Variants in RNF123 observed in about 807,000 individuals in gnomAD.
RNF123 encodes the protein E3 ubiquitin-protein ligase RNF123.
Under a neutral mutation model 168.5 loss-of-function variants are expected in RNF123, and 86 were observed. The ratio of observed to expected loss-of-function variants is 0.51; its 90% CI spans 0.43 to 0.61. The LOEUF (loss-of-function observed/expected upper bound fraction) is 0.61, where lower values mean the gene tolerates loss of function less well. RNF123 is among the 20% of genes least tolerant of loss of function. The pLI is 0.00. For synonymous variants in RNF123, 666 were observed against 689.1 expected (o/e 0.97, Z 0.52); for missense variants, 1,419 against 1,729.7 (o/e 0.82, Z 3.19).
rs1018944098 is a variant in RNF123, at chr3:49,704,579, C to T, written c.1853-71C>T. The stretch of plus-strand genomic sequence containing the variant: ...TGCCCAGTGTGCTGGGCTCTCTCAC[C>T]GTCCTGGGCACTTCCACTGTGGCCC... On this transcript the variant is annotated intron_variant, in intron 21 of 38. Coordinates refer to ENST00000327697, the MANE Select transcript of RNF123 (RefSeq NM_022064.5). The T allele has an allele frequency of 5.1e-5, 68 of 1,324,506 alleles. 1 individual carries two copies. The South Asian group carries it at 5.8e-4, about 11-fold the overall frequency. 82.0% of individuals were successfully genotyped at this position (1,324,506 alleles called of 1,614,324 possible). A position where few individuals can be genotyped will look rare whatever the true frequency, so the allele number is the denominator to read the frequency against.
At chr3:49,713,418 C>G (rs1381644816) in intron 27 of RNF123, 95 bp from the exon 28 acceptor site, 12 of 1,258,866 alleles carry the variant, frequency 9.5e-6, no homozygotes, top group Non-Finnish European at 1.1e-6. Flanking sequence ...GGAGCCAGCT[C>G]TAGAGCCTGC....
At chr3:49,706,199 G>A (rs1187615233) in intron 25 of RNF123, 134 bp downstream of exon 25, 2 of 796,160 alleles carry the variant, frequency 2.5e-6, no homozygotes, top group Non-Finnish European at 4.2e-6. Flanking sequence ...GCCAGTGAGA[G>A]TGGGGCTGGC....
chr3:49,691,246 A>G lies in RNF123; in HGVS notation c.81A>G (p.Thr27=). 1.2e-6 allele frequency: 2 copies of G among 1,613,790 alleles called. No homozygotes were observed. The highest frequency in any genetic ancestry group is 1.1e-5 in the South Asian group (1 of 91,076). Residue 27 remains threonine, a splice_region_variant and synonymous_variant, in exon 2 of 39, where the codon ACA becomes ACG. Coordinates refer to ENST00000327697, the MANE Select transcript of RNF123 (RefSeq NM_022064.5). The part of the protein sequence containing the change: ...LTSDAEKSRV[T]GIVQEKLLND... ...CAGATGCTGAGAAATCCAGGGTCACAGGTAAGAGCTGGCAGGGAAGGAAGG... is the reference window on the plus strand; with the variant it reads ...CAGATGCTGAGAAATCCAGGGTCACGGGTAAGAGCTGGCAGGGAAGGAAGG...
intron 3 of RNF123, among the ~76,000 whole-genome samples, chr3:49,695,171 T>A (rs531136046): frequency 5.3e-5 from 8 of 152,292 alleles, no homozygotes; most frequent in African/African-American, 1.9e-4. Context: ...GTCACAGTCA[T>A]AGCTCACTGC....
intron 26 of RNF123, among the ~76,000 whole-genome samples, chr3:49,711,878 CCTGT>C (rs1238114062): frequency 6.6e-6 from 1 of 152,120 alleles, no homozygotes; most frequent in African/African-American, 2.4e-5. Context: ...CAAATTTCTG[CCTGT>C]CTGCTTACCA....
rs758710106 is a variant in RNF123 at position 49,691,160 on chromosome 3, T to A, written c.-6T>A. 6.2e-7 allele frequency: 1 copy of A among 1,613,514 alleles called. No homozygotes were observed. Among genetic ancestry groups the A allele is most frequent in the Non-Finnish European group, 8.5e-7 (1 of 1,179,570 alleles). On this transcript the variant is annotated 5_prime_UTR_variant, in exon 2 of 39. An upstream start codon of the reference 5' UTR is lost. Transcript: ENST00000327697. ...AGGACCACTGGCTGCCCATGAGAGATGAAGGATGGCATCCAAGGGGGCCGG... is the reference window on the plus strand; with the variant it reads ...AGGACCACTGGCTGCCCATGAGAGAAGAAGGATGGCATCCAAGGGGGCCGG...
chr3:49,692,241 C>T (rs576652071), intron 3 of RNF123, among the ~76,000 whole-genome samples: 1 of 152,340 alleles, frequency 6.6e-6, no homozygotes, highest in South Asian at 2.1e-4. Flanking sequence ...GAGCAAGACC[C>T]TGTCTCTAAA....
rs377691477 is a variant in RNF123, at chr3:49,704,645, C to G, written c.1853-5C>G. The G allele has an allele frequency of 6.2e-7, 1 of 1,607,314 alleles. No individual in the cohort carries two copies. The highest frequency in any genetic ancestry group is 1.3e-5 in the African/African-American group (1 of 74,860). On this transcript the variant is annotated splice_region_variant and splice_polypyrimidine_tract_variant and intron_variant, in intron 21 of 38. Transcript: ENST00000327697. ...GCCTGAGAACCCTCCTGCTCTTCCTCCCAGATGACCTTGCTTCCAAAGCCA... is the reference window on the plus strand; with the variant it reads ...GCCTGAGAACCCTCCTGCTCTTCCTGCCAGATGACCTTGCTTCCAAAGCCA...
At chr3:49,716,577 A>G (rs758733192) in intron 35 of RNF123, 100 bp downstream of exon 35, 174 of 1,032,498 alleles carry the variant, frequency 1.7e-4, no homozygotes, top group Non-Finnish European at 2.5e-4. Flanking sequence ...CATCTGGAAA[A>G]TGGACCTCAG....
intron 26 of RNF123, among the ~76,000 whole-genome samples, chr3:49,710,478 C>T (rs2080123209): frequency 1.3e-5 from 2 of 152,034 alleles, no homozygotes; most frequent in Admixed American, 6.6e-5. Flanking sequence ...TGGGGTTTCA[C>T]CTTGTTGGTC....
intron 35 of RNF123, chr3:49,718,599 G>A (rs371379790): frequency 1.2e-6 from 2 of 1,613,030 alleles, no homozygotes; most frequent in South Asian, 1.1e-5. Flanking sequence ...CCACCAGCGC[G>A]TACAGGTGCT....
chr3:49,716,550 T>C, intron 35 of RNF123, 73 bp downstream of exon 35: 1 of 1,274,764 alleles, frequency 7.8e-7, no homozygotes, highest in Non-Finnish European at 1.1e-6. Context: ...CAGGGCCTCC[T>C]GGTACTTCAG....
intron 25 of RNF123, 145 bp downstream of exon 25, chr3:49,706,210 A>G: frequency 2.7e-6 from 2 of 746,916 alleles, no homozygotes; most frequent in Non-Finnish European, 4.6e-6. Flanking sequence ...TGGGGCTGGC[A>G]GCAAGGCCTG....
intron 5 of RNF123, among the ~76,000 whole-genome samples, chr3:49,697,663 G>A (rs937832648): frequency 8.5e-5 from 13 of 152,262 alleles, no homozygotes; most frequent in African/African-American, 2.9e-4. Flanking sequence ...TCAGCCCCCA[G>A]CCCTTCCCAG....
intron 35 of RNF123, chr3:49,716,816 C>T (rs1191369110): frequency 4.1e-5 from 11 of 266,322 alleles, no homozygotes; most frequent in East Asian, 7.5e-5. Context: ...GCTGAACACA[C>T]GGAGGACCGC....
chr3:49,701,850 G>A lies in RNF123; in HGVS notation c.1435G>A (p.Glu479Lys), dbSNP rs1466224347. ...GGAGATGAAGGAGGAGACCGCAGAG[G>A]AGCGGCTGCGGCGGCGAGCCTACGA... The part of the protein sequence containing the change: ...STEMKEETAE[E>K]RLRRRAYERG... The change falls in exon 17 of 39, where the codon GAG becomes AAG. Residue 479 changes from glutamate (E) to lysine (K), a missense_variant. Glu to Lys is a moderately conservative substitution (Grantham distance 56). This residue lies in a region of RNF123 where 349 missense variants were observed against 344.9 expected (regional missense o/e 1.01). Coordinates refer to ENST00000327697, the MANE Select transcript of RNF123 (RefSeq NM_022064.5). The A allele has an allele frequency of 5.1e-6, 8 of 1,573,584 alleles. No individual in the cohort carries two copies. Among genetic ancestry groups the A allele is most frequent in the Non-Finnish European group, 6.9e-6 (8 of 1,160,066 alleles).
In RNF123 at chr3:49,701,901, C is replaced by A; in HGVS notation, c.1486C>A (p.Arg496Ser). The change falls in exon 17 of 39, where the codon CGC (arginine) becomes AGC (serine). Residue 496 changes from arginine to serine, a missense_variant. Physicochemically the swap from Arg to Ser is moderately radical, Grantham distance 110. This residue lies in a region of RNF123 where 349 missense variants were observed against 344.9 expected (regional missense o/e 1.01). Coordinates refer to ENST00000327697, the MANE Select transcript of RNF123 (RefSeq NM_022064.5). ...YERGCQRLRK[R>S]IEVVEELQVQ... ...ACGGGGCTGTCAGCGGCTCAGGAAG[C>A]GCATCGAAGGTCAGCCCGCCTTGGG... The A allele has an allele frequency of 6.4e-7, 1 of 1,560,950 alleles. No individual in the cohort carries two copies. The highest frequency in any genetic ancestry group is 8.7e-7 in the Non-Finnish European group (1 of 1,152,150).
chr3:49,715,070 G>T (rs536590625), intron 31 of RNF123, among the ~76,000 whole-genome samples: 1 of 152,384 alleles, frequency 6.6e-6, no homozygotes, highest in East Asian at 1.9e-4. Context: ...GAGGGCTCCG[G>T]TTACTGCTGC....
In RNF123 at chr3:49,702,021, T is replaced by G. The variant is rs531542680; in HGVS notation, c.1496-62T>G. 6.0e-5 allele frequency: 95 copies of G among 1,585,230 alleles called. 1 individual carries two copies. In the South Asian group the frequency reaches 6.2e-4, roughly 10 times the overall value. On this transcript the variant is annotated intron_variant, in intron 17 of 38. Transcript: ENST00000327697. ...TTGGGGAACCCTGGTGGTGGAGCCC[T>G]GGCCCAAACCTGCCCCCCATCTCCT...
Sources: allele counts gnomAD v4.1 joint callset (sites outside exome capture counted in the v4.1 genomes callset), GRCh38; gene constraint gnomAD v4.1.1; regional missense constraint gnomAD v4.1.1; transcripts MANE v1.5; gene names NCBI Gene and HGNC (gene_info 2026-07-23, HGNC 2026-07-21).